UGT1A8: variants seen among roughly 807,000 people sequenced by gnomAD.
The protein encoded by UGT1A8 is UDP glucuronosyltransferase family 1 member A8, also known as UDP-glucuronosyltransferase 1A8.
In UGT1A8, 39 loss-of-function variants were observed where a neutral mutation model predicts 45.3. The ratio of observed to expected loss-of-function variants is 0.86; its 90% confidence interval spans 0.67 to 1.12. UGT1A8 has a LOEUF of 1.12. UGT1A8 is among the 50% of genes most tolerant of loss of function. The pLI is 0.00. For synonymous variants in UGT1A8, 275 were observed against 249.2 expected, an observed-to-expected ratio of 1.10 and a Z score of -0.97; for missense variants, 719 against 664.9, an observed-to-expected ratio of 1.08 and a Z score of -0.90.
At chr2:233,694,526 C>T (rs1490198137) in intron 1 of UGT1A8, among the ~76,000 whole-genome samples, 2 of 152,070 alleles carry the variant, frequency 1.3e-5, no homozygotes, top group Non-Finnish European at 2.9e-5. Context: ...AGGAAAAGGG[C>T]CCAGAGTTAC....
rs1696612775 is a variant in UGT1A8 at position 233,757,546 on chromosome 2, A to ATACATATATATATC, written c.856-9486_856-9485insCATATATATATCTA. The stretch of plus-strand genomic sequence containing the variant: ...TCTTGCCTGTAAGGAATATATATAT[A>ATACATATATATATC]TATATATATATATATGTATATATGA... On this transcript the variant is annotated intron_variant, in intron 1 of 4. Transcript: ENST00000373450. Among the ~76,000 whole-genome samples the ATACATATATATATC allele has an allele frequency of 1.6e-5, 2 of 123,536 alleles. 1 individual carries two copies. The highest frequency in any genetic ancestry group is 3.5e-5 in the Non-Finnish European group (2 of 57,034). 81.0% of individuals were successfully genotyped at this position (123,536 alleles called of 152,430 possible).
At chr2:233,676,052 G>T (rs776743644) in intron 1 of UGT1A8, among the ~76,000 whole-genome samples, 2 of 152,140 alleles carry the variant, frequency 1.3e-5, no homozygotes, top group African/African-American at 2.4e-5. Flanking sequence ...CAATTGACTA[G>T]GTGCCAAAGT....
chr2:233,730,328 C>T (rs1363766839), intron 1 of UGT1A8, among the ~76,000 whole-genome samples: 2 of 152,106 alleles, frequency 1.3e-5, no homozygotes, highest in African/African-American at 2.4e-5. Context: ...AGGGACACTA[C>T]GTTTGGAACT....
At chr2:233,651,773 G>A (rs2073746950) in intron 1 of UGT1A8, among the ~76,000 whole-genome samples, 1 of 152,198 alleles carries the variant, frequency 6.6e-6, no homozygotes, top group Admixed American at 6.5e-5. Flanking sequence ...GATGGAGTGT[G>A]CATCTGTGCC....
intron 1 of UGT1A8, chr2:233,740,656 G>A (rs17862875): frequency 0.3 from 44,719 of 151,578 alleles, 6,954 homozygotes; most frequent in South Asian, 0.39. Flanking sequence ...TGTACTTGGT[G>A]AGAAGGTACA....
intron 1 of UGT1A8, chr2:233,682,612 A>C: frequency 3.1e-6 from 5 of 1,613,862 alleles, no homozygotes; most frequent in Non-Finnish European, 4.2e-6. Context: ...ATTTTTTCAA[A>C]AATGTCTTAG....
rs1208281269 is a variant in UGT1A8 at position 233,769,345 on chromosome 2, G to C, written c.1295+906G>C. Among the ~76,000 whole-genome samples, 1 of 152,210 alleles carries C rather than the reference G, an allele frequency of 6.6e-6. No individual in the cohort carries two copies. The highest frequency in any genetic ancestry group is 1.5e-5 in the Non-Finnish European group (1 of 68,032). On this transcript the variant is annotated intron_variant, in intron 4 of 4. Coordinates refer to ENST00000373450, the MANE Select transcript of UGT1A8 (RefSeq NM_019076.5). This position sits in a 1 kb window ranked among gnomAD's most constrained non-coding sequence, Gnocchi z 4.4. ...GTAATAGGCTTATTAGAACCTTATG[G>C]GAAGAAGTGGTGGCCAGTGGTAGAT...
chr2:233,665,180 T>A (rs1398972351), intron 1 of UGT1A8, among the ~76,000 whole-genome samples: 1 of 152,230 alleles, frequency 6.6e-6, no homozygotes, highest in Non-Finnish European at 1.5e-5. Context: ...TAGACATCTT[T>A]AGAGGCCAAT....
chr2:233,684,117 T>A (rs1300300647), intron 1 of UGT1A8, among the ~76,000 whole-genome samples: 1 of 152,240 alleles, frequency 6.6e-6, no homozygotes, highest in Non-Finnish European at 1.5e-5. Context: ...TTGTTCTGGC[T>A]TCTTACAAAG....
chr2:233,735,402 G>GTC (rs746595831), intron 1 of UGT1A8, among the ~76,000 whole-genome samples: 10 of 152,138 alleles, frequency 6.6e-5, no homozygotes, highest in East Asian at 5.8e-4. Context: ...GCCTATGTGT[G>GTC]TCTCTGCATG....
chr2:233,628,822 A>G (rs1207071423), intron 1 of UGT1A8, among the ~76,000 whole-genome samples: 1 of 152,096 alleles, frequency 6.6e-6, no homozygotes, highest in Non-Finnish European at 1.5e-5. Context: ...TTTATCACAA[A>G]TCGATTTTGG....
intron 1 of UGT1A8, among the ~76,000 whole-genome samples, chr2:233,641,010 G>A (rs998753467): frequency 2.0e-5 from 3 of 152,018 alleles, no homozygotes; most frequent in Admixed American, 1.3e-4. Flanking sequence ...TGCACCCAGC[G>A]ATCACCAGAC....
intron 1 of UGT1A8, among the ~76,000 whole-genome samples, chr2:233,698,411 G>A (rs1011894202): frequency 6.6e-6 from 1 of 152,042 alleles, no homozygotes; most frequent in African/African-American, 2.4e-5. Context: ...TGACTTCATC[G>A]CAATAAATTA....
rs113470021 is a variant in UGT1A8, at chr2:233,648,080, C to T, written c.855+29518C>T. On this transcript the variant is annotated intron_variant, in intron 1 of 4. Transcript: ENST00000373450. Reference sequence around the variant, plus strand: ...GTGAAGACTTCTTCAACCTTATACACCCTGGAGGATCTGGACCAGGAGTTC... The same window carrying T: ...GTGAAGACTTCTTCAACCTTATACATCCTGGAGGATCTGGACCAGGAGTTC... The T allele has an allele frequency of 1.9e-4, 292 of 1,526,886 alleles. No homozygotes were observed. In the African/African-American group the frequency reaches 3.5e-3, roughly 19 times the overall value. The allele number at this position is 1,526,886 out of a possible 1,614,324, so 94.6% of individuals were successfully genotyped here.
At chr2:233,743,686 G>A (rs1347222099) in intron 1 of UGT1A8, 2 of 1,367,248 alleles carry the variant, frequency 1.5e-6, no homozygotes, top group Admixed American at 3.8e-5. Flanking sequence ...TGCCGCCTGT[G>A]CAGCCGCCCT....
Position 233,734,706 on chromosome 2 carries a change from A to G in UGT1A8, c.856-32328A>G, listed in dbSNP as rs368011286. 3.0e-4 allele frequency among the ~76,000 whole-genome samples: 45 copies of G among 151,692 alleles called. No individual in the cohort carries two copies. In the South Asian group the frequency reaches 8.6e-3, roughly 29 times the overall value. Reference sequence around the variant, plus strand: ...TTAAATGTGTCCCAGAGATTCTGGTATGTTGTGTCTTTGTTCTCGTCGGTT... The same window carrying G: ...TTAAATGTGTCCCAGAGATTCTGGTGTGTTGTGTCTTTGTTCTCGTCGGTT... On this transcript the variant is annotated intron_variant, in intron 1 of 4. Coordinates refer to ENST00000373450, the MANE Select transcript of UGT1A8 (RefSeq NM_019076.5).
chr2:233,650,231 A>G (rs990570520), intron 1 of UGT1A8, among the ~76,000 whole-genome samples: 1 of 152,110 alleles, frequency 6.6e-6, no homozygotes, highest in Non-Finnish European at 1.5e-5. Flanking sequence ...CGGCCTCCCA[A>G]AGTGCTGGGA....
chr2:233,673,138 T>A (rs866454769), intron 1 of UGT1A8, among the ~76,000 whole-genome samples: 1 of 152,242 alleles, frequency 6.6e-6, no homozygotes, highest in African/African-American at 2.4e-5. Context: ...TTTGTGAACA[T>A]TCTTTTAATG....
chr2:233,683,205 TC>T (rs1186091559), intron 1 of UGT1A8, among the ~76,000 whole-genome samples: 1 of 152,170 alleles, frequency 6.6e-6, no homozygotes, highest in African/African-American at 2.4e-5. Flanking sequence ...AATTGTCACT[TC>T]TATTTTATCA....
Sources: allele counts gnomAD v4.1 joint callset (sites outside exome capture counted in the v4.1 genomes callset), GRCh38; gene constraint gnomAD v4.1.1; non-coding constraint Gnocchi (gnomAD v3.1); transcripts MANE v1.5; gene names NCBI Gene and HGNC (gene_info 2026-07-23, HGNC 2026-07-21).